The following PLK3 variants were observed in gnomAD, a reference collection of about 807,000 sequenced individuals.
PLK3 encodes the protein polo like kinase 3, also known as serine/threonine-protein kinase PLK3.
PLK3 carries 41 observed loss-of-function variants against 71.6 expected under a neutral mutation model. The ratio of observed to expected loss-of-function variants is 0.57; its 90% CI spans 0.45 to 0.74. The LOEUF is 0.74. Ranked by LOEUF, PLK3 falls within the 30% of genes least tolerant of loss-of-function variation. PLK3 has a pLI of 0.00. For synonymous variants in PLK3, 366 were observed against 355.4 expected (o/e 1.03, Z -0.33); for missense variants, 791 against 875.6 (o/e 0.90, Z 1.22).
At position 44,805,694 on chromosome 1, in the gene PLK3, G is replaced by A; in HGVS notation, c.*16G>A. On this transcript the variant is annotated 3_prime_UTR_variant, in exon 15 of 15. Coordinates refer to ENST00000372201, the MANE Select transcript of PLK3 (RefSeq NM_004073.4). ...CCCAGCCTAGGACCCAAGCCCTGAGGCCTGAGGCCTGTGCCTGTCAGGCTC... is the reference window on the plus strand; with the variant it reads ...CCCAGCCTAGGACCCAAGCCCTGAGACCTGAGGCCTGTGCCTGTCAGGCTC... The A allele has an allele frequency of 6.2e-7, 1 of 1,607,032 alleles. No homozygotes were observed. The highest frequency in any genetic ancestry group is 1.1e-5 in the South Asian group (1 of 91,000).
chr1:44,805,636 C>G lies in PLK3; in HGVS notation c.1899C>G (p.Leu633=). Residue 633 remains leucine, a synonymous_variant, in exon 15 of 15, where the codon CTC becomes CTG. Coordinates refer to ENST00000372201, the MANE Select transcript of PLK3 (RefSeq NM_004073.4). ...LGCSPDLRQR[L]RYALRLLRDR... ...GCTCTCCAGACCTGCGGCAGCGACTCCGCTATGCTCTGCGCCTGCTCCGGG... is the reference window on the plus strand; with the variant it reads ...GCTCTCCAGACCTGCGGCAGCGACTGCGCTATGCTCTGCGCCTGCTCCGGG... 1.2e-6 allele frequency: 2 copies of G among 1,613,972 alleles called. No individual in the cohort carries two copies. The highest frequency in any genetic ancestry group is 1.7e-6 in the Non-Finnish European group (2 of 1,180,008).
In PLK3 at chr1:44,801,075, C is replaced by T. The variant is rs141583375; in HGVS notation, c.358C>T (p.Arg120Cys). The T allele has an allele frequency of 1.9e-6, 3 of 1,613,838 alleles. No individual in the cohort carries two copies. Among genetic ancestry groups the T allele is most frequent in the Non-Finnish European group, 2.5e-6 (3 of 1,179,936 alleles). ...TGAGCTGCACCGAGACCTGCAGCACCGCCACATCGTGCGTTTTTCGCACCA... is the reference window on the plus strand; with the variant it reads ...TGAGCTGCACCGAGACCTGCAGCACTGCCACATCGTGCGTTTTTCGCACCA... The part of the protein sequence containing the change: ...EIELHRDLQH[R>C]HIVRFSHHFE... The change falls in exon 3 of 15, where the codon CGC (arginine) becomes TGC (cysteine). Residue 120 changes from arginine (R) to cysteine (C), a missense_variant. Arg to Cys is a radical substitution (Grantham distance 180). Transcript: ENST00000372201.
In PLK3 at chr1:44,801,172, G is replaced by C. The variant is rs533084576; in HGVS notation, c.435+20G>C. On this transcript the variant is annotated intron_variant, in intron 3 of 14. Coordinates refer to ENST00000372201, the MANE Select transcript of PLK3 (RefSeq NM_004073.4). ...CGAAAGGTGAAAGATGGTGATTCCC[G>C]CAGGGATGAGAGTGAGGGAGAGAAG... is the stretch of plus-strand genomic sequence containing the variant. 9.9e-6 allele frequency: 11 copies of C among 1,109,502 alleles called. No individual in the cohort carries two copies. The African/African-American group carries it at 1.7e-4, about 17-fold the overall frequency. 68.7% of individuals were successfully genotyped at this position (1,109,502 alleles called of 1,614,324 possible). A position where few individuals can be genotyped will look rare whatever the true frequency, so the allele number is the denominator to read the frequency against.
At chr1:44,802,540 C>T (rs561646240) in intron 5 of PLK3, among the ~76,000 whole-genome samples, 1 of 152,024 alleles carries the variant, frequency 6.6e-6, no homozygotes, top group Non-Finnish European at 1.5e-5. Flanking sequence ...GGCTGGGGGT[C>T]AGGCCCTCCC....
rs369110613 is a variant in PLK3, at chr1:44,804,439, C to T, written c.1443C>T (p.Ser481=). The T allele has an allele frequency of 1.2e-6, 2 of 1,614,186 alleles. No homozygotes were observed. The highest frequency in any genetic ancestry group is 2.7e-5 in the African/African-American group (2 of 75,052). Residue 481 remains serine, a synonymous_variant, in exon 12 of 15, where the codon TCC becomes TCT. Transcript: ENST00000372201. ...SNKFGFGYQL[S]SRRVAVLFND... ...AGTTCGGCTTTGGGTATCAACTGTC[C>T]AGCCGCCGTGTGGCTGTGCTCTTCA...
chr1:44,804,961 C>T (rs375975364), intron 13 of PLK3, 182 bp downstream of exon 13: 52 of 624,920 alleles, frequency 8.3e-5, no homozygotes, highest in South Asian at 5.2e-4. Context: ...ACAAATTAGC[C>T]GGGCGTGGTG....
chr1:44,802,991 G>A lies in PLK3; in HGVS notation c.786G>A (p.Thr262=), dbSNP rs753289067. The change falls in exon 7 of 15, where the codon ACG becomes ACA. Residue 262 remains threonine, a synonymous_variant. Transcript: ENST00000372201. ...TCTGCGGGAGCCCTCCCTTTGAGAC[G>A]GCTGACCTGAAGGAGACGTACCGCT... is the stretch of plus-strand genomic sequence containing the variant. ...TLLCGSPPFE[T]ADLKETYRCI... 15 of 1,613,846 alleles carry A rather than the reference G, an allele frequency of 9.3e-6. No homozygotes were observed. Among genetic ancestry groups the A allele is most frequent in the African/African-American group, 4.0e-5 (3 of 74,876 alleles).
chr1:44,801,487 C>T (rs1422239447), intron 3 of PLK3, 135 bp from the exon 4 acceptor site: 2 of 923,514 alleles, frequency 2.2e-6, no homozygotes, highest in South Asian at 1.7e-5. Context: ...GGATTACAGG[C>T]GTGAGCCACT....
At position 44,801,736 on chromosome 1, in the gene PLK3, C is replaced by T. The variant is rs147843910; in HGVS notation, c.550C>T (p.Arg184Trp). The T allele has an allele frequency of 2.4e-5, 32 of 1,358,754 alleles. No homozygotes were observed. The highest frequency in any genetic ancestry group is 3.3e-5 in the African/African-American group (2 of 60,580). The allele number at this position is 1,358,754 out of a possible 1,614,324, so 84.2% of individuals were successfully genotyped here. A position where few individuals can be genotyped will look rare whatever the true frequency, so the allele number is the denominator to read the frequency against. The change falls in exon 4 of 15, where the codon CGG (arginine) becomes TGG (tryptophan). Residue 184 changes from arginine to tryptophan, a missense_variant. Coordinates refer to ENST00000372201, the MANE Select transcript of PLK3 (RefSeq NM_004073.4). ...KYLHQRGILH[R>W]DLKLGNFFIT... ...CTTGCACCAGCGCGGCATCTTGCAC[C>T]GGGACCTCAAGTTGGGTGAGACTCC...
In PLK3 at chr1:44,803,097, T is replaced by G; in HGVS notation, c.892T>G (p.Ser298Ala). Residue 298 changes from serine (S) to alanine (A), a missense_variant, in exon 7 of 15, where the codon TCA (serine) becomes GCA (alanine). Ser to Ala is a moderately conservative substitution (Grantham distance 99, BLOSUM62 1). Coordinates refer to ENST00000372201, the MANE Select transcript of PLK3 (RefSeq NM_004073.4). The surrounding 1 kb of genome is among the most constrained non-coding windows in gnomAD (Gnocchi z 4.3). The part of the protein sequence containing the change: ...RQLLAAILRA[S>A]PRDRPSIDQI... Reference sequence around the variant, plus strand: ...GCTCCTGGCCGCCATCCTTCGGGCCTCACCCCGAGACCGCCCCTCTATTGA... The same window carrying G: ...GCTCCTGGCCGCCATCCTTCGGGCCGCACCCCGAGACCGCCCCTCTATTGA... 6.2e-7 allele frequency: 1 copy of G among 1,613,866 alleles called. No homozygotes were observed. The highest frequency in any genetic ancestry group is 2.2e-5 in the East Asian group (1 of 44,880).
rs774099361 is a variant in PLK3, at chr1:44,801,072, C to T, written c.355C>T (p.His119Tyr). 36 of 1,613,742 alleles carry T rather than the reference C, an allele frequency of 2.2e-5. 3 individuals are homozygous for T. The South Asian group carries it at 3.8e-4, about 17-fold the overall frequency. ...NEIELHRDLQ[H>Y]RHIVRFSHHF... is the part of the protein sequence containing the mutation. ...GATTGAGCTGCACCGAGACCTGCAGCACCGCCACATCGTGCGTTTTTCGCA... is the reference window on the plus strand; with the variant it reads ...GATTGAGCTGCACCGAGACCTGCAGTACCGCCACATCGTGCGTTTTTCGCA... Residue 119 changes from histidine to tyrosine, a missense_variant, in exon 3 of 15, where the codon CAC (histidine) becomes TAC (tyrosine). By Grantham distance (83) the His-to-Tyr change is moderately conservative. Transcript: ENST00000372201.
At chr1:44,801,296 G>T (rs1651823241) in intron 3 of PLK3, 144 bp downstream of exon 3, 6 of 607,354 alleles carry the variant, frequency 9.9e-6, no homozygotes, top group African/African-American at 2.0e-5. Flanking sequence ...TGCAATCTCT[G>T]CCTCCCGGGT....
Position 44,800,592 on chromosome 1 carries a change from G to T in PLK3, c.129G>T (p.Gly43=). 1 of 1,537,196 alleles carries T rather than the reference G, an allele frequency of 6.5e-7. No homozygotes were observed. The highest frequency in any genetic ancestry group is 8.7e-7 in the Non-Finnish European group (1 of 1,145,600). ...GACCTGAGCTGGAGATGCTGGCCGG[G>T]CTACCGACGTCAGACCCCGGGCGCC... ...LRGPELEMLA[G]LPTSDPGRLI... Residue 43 remains glycine, a synonymous_variant, in exon 1 of 15, where the codon GGG becomes GGT. Transcript: ENST00000372201. This position sits in a 1 kb window ranked among gnomAD's most constrained non-coding sequence, Gnocchi z 6.5.
At position 44,803,133 on chromosome 1, in the gene PLK3, C is replaced by T. The variant is rs751793687; in HGVS notation, c.928C>T (p.Arg310Cys). 24 of 1,613,770 alleles carry T rather than the reference C, an allele frequency of 1.5e-5. No individual in the cohort carries two copies. In the Admixed American group the frequency reaches 2.0e-4, roughly 13 times the overall value. The stretch of plus-strand genomic sequence containing the variant: ...CCGCCCCTCTATTGACCAGATCCTG[C>T]GCCATGACTTCTTTACCAAGGTCTG... ...RDRPSIDQILRHDFFTKGYTP... is the reference protein window; with the variant it reads ...RDRPSIDQILCHDFFTKGYTP... The change falls in exon 7 of 15, where the codon CGC becomes TGC. Residue 310 changes from arginine (R) to cysteine (C), a missense_variant. Physicochemically the swap from Arg to Cys is radical, Grantham distance 180. Coordinates refer to ENST00000372201, the MANE Select transcript of PLK3 (RefSeq NM_004073.4). The surrounding 1 kb of genome is among the most constrained non-coding windows in gnomAD (Gnocchi z 4.3).
Position 44,805,768 on chromosome 1 carries a change from G to A in PLK3, c.*90G>A. ...CCCCTTCCTTTGGTGCCTCACTGGG[G>A]GCTTTGGGCCGAATCCCCCAGGGAA... On this transcript the variant is annotated 3_prime_UTR_variant, in exon 15 of 15. Transcript: ENST00000372201. 3 of 1,417,756 alleles carry A rather than the reference G, an allele frequency of 2.1e-6. No individual in the cohort carries two copies. Among genetic ancestry groups the A allele is most frequent in the Non-Finnish European group, 2.9e-6 (3 of 1,048,024 alleles). The allele number at this position is 1,417,756 out of a possible 1,614,324, so 87.8% of individuals were successfully genotyped here. A position where few individuals can be genotyped will look rare whatever the true frequency, so the allele number is the denominator to read the frequency against.
chr1:44,803,521 G>A lies in PLK3; in HGVS notation c.1073-79G>A. 1.3e-6 allele frequency: 2 copies of A among 1,572,108 alleles called. No individual in the cohort carries two copies. Among genetic ancestry groups the A allele is most frequent in the East Asian group, 4.5e-5 (2 of 44,500 alleles). On this transcript the variant is annotated intron_variant, in intron 8 of 14. Transcript: ENST00000372201. This position sits in a 1 kb window ranked among gnomAD's most constrained non-coding sequence, Gnocchi z 4.3. ...CATGTGCAGTACAGGCACTTGGGGAGGCCAATCTCTGTGTCATCCCTGTCG... is the reference window on the plus strand; with the variant it reads ...CATGTGCAGTACAGGCACTTGGGGAAGCCAATCTCTGTGTCATCCCTGTCG...
Position 44,803,225 on chromosome 1 carries a change from C to T in PLK3, c.949-43C>T, listed in dbSNP as rs1480591335. 6.2e-7 allele frequency: 1 copy of T among 1,612,016 alleles called. No individual in the cohort carries two copies. The highest frequency in any genetic ancestry group is 2.2e-5 in the East Asian group (1 of 44,816). On this transcript the variant is annotated intron_variant, in intron 7 of 14. Coordinates refer to ENST00000372201, the MANE Select transcript of PLK3 (RefSeq NM_004073.4). This position sits in a 1 kb window ranked among gnomAD's most constrained non-coding sequence, Gnocchi z 4.3. ...ATTGAAAGGGGGCAGGTGACAGGACCCCTGGAGCCTCTCTTCTCTGTTCAC... is the reference window on the plus strand; with the variant it reads ...ATTGAAAGGGGGCAGGTGACAGGACTCCTGGAGCCTCTCTTCTCTGTTCAC...
At position 44,800,988 on chromosome 1, in the gene PLK3, G is replaced by T; in HGVS notation, c.318+41G>T. 1 of 1,608,014 alleles carries T rather than the reference G, an allele frequency of 6.2e-7. No individual in the cohort carries two copies. The highest frequency in any genetic ancestry group is 8.5e-7 in the Non-Finnish European group (1 of 1,174,952). The stretch of plus-strand genomic sequence containing the variant: ...GCGGGCGAGGGGTGGGGTGGGGACG[G>T]TGGCATGGGAACCATGGAAGGATGA... On this transcript the variant is annotated intron_variant, in intron 2 of 14. Transcript: ENST00000372201. This position sits in a 1 kb window ranked among gnomAD's most constrained non-coding sequence, Gnocchi z 6.5.
Position 44,800,755 on chromosome 1 carries a change from TG to T in PLK3, c.211-82del, listed in dbSNP as rs1276469274. On this transcript the variant is annotated intron_variant, in intron 1 of 14. Coordinates refer to ENST00000372201, the MANE Select transcript of PLK3 (RefSeq NM_004073.4). This position sits in a 1 kb window ranked among gnomAD's most constrained non-coding sequence, Gnocchi z 6.5. Reference sequence around the variant, plus strand: ...CTCTTTTCTGGCGCCGAGCAGGGCGTGGGCACTTGACCCCCAACGCGGGGAC... The same window carrying T: ...CTCTTTTCTGGCGCCGAGCAGGGCGTGGCACTTGACCCCCAACGCGGGGAC... 1.9e-6 allele frequency: 3 copies of T among 1,542,338 alleles called. No homozygotes were observed. Among genetic ancestry groups the T allele is most frequent in the East Asian group, 4.8e-5 (2 of 41,550 alleles).
Sources: allele counts gnomAD v4.1 joint callset (sites outside exome capture counted in the v4.1 genomes callset), GRCh38; gene constraint gnomAD v4.1.1; non-coding constraint Gnocchi (gnomAD v3.1); transcripts MANE v1.5; gene names NCBI Gene and HGNC (gene_info 2026-07-23, HGNC 2026-07-21).